TLN2: variants seen among roughly 807,000 people sequenced by gnomAD.
The protein encoded by TLN2 is talin 2.
A neutral mutation model predicts 294.7 loss-of-function variants in TLN2; 118 were observed. The ratio of observed to expected loss-of-function variants is 0.40; its 90% CI spans 0.34 to 0.47. The LOEUF is 0.47. Among genes scored for constraint, TLN2 ranks in the 20% least tolerant of loss-of-function variants. TLN2 has a pLI of 0.84. For missense variants in TLN2, 3,083 were observed against 3,282.2 expected (o/e 0.94, Z 1.48); for synonymous variants, 1,431 against 1,304.5 (o/e 1.10, Z -2.09).
intron 1 of TLN2, among the ~76,000 whole-genome samples, chr15:62,551,110 C>T (rs1288655807): frequency 6.6e-6 from 1 of 152,088 alleles, no homozygotes; most frequent in Non-Finnish European, 1.5e-5. Context: ...GGGTGGTTCA[C>T]AATAGGGTTT....
Position 62,684,421 on chromosome 15 carries a change from C to T in TLN2, c.958-2220C>T, listed in dbSNP as rs189768413. Reference sequence around the variant, plus strand: ...AAAGTAGATTAACTGACATTGTCTGCCCTGCACTGATCTCACCCCTTGTGG... The same window carrying T: ...AAAGTAGATTAACTGACATTGTCTGTCCTGCACTGATCTCACCCCTTGTGG... On this transcript the variant is annotated intron_variant, in intron 11 of 58. Transcript: ENST00000636159. Among the ~76,000 whole-genome samples the T allele has an allele frequency of 7.2e-5, 11 of 152,296 alleles. No homozygotes were observed. The East Asian group carries it at 1.4e-3, about 19-fold the overall frequency.
At chr15:62,829,578 T>C (rs535926254) in intron 54 of TLN2, 1 of 152,316 alleles carries the variant, frequency 6.6e-6, no homozygotes, top group East Asian at 1.9e-4. Flanking sequence ...ATATCAGGCA[T>C]GCAATGTGAA....
In TLN2 at chr15:62,717,623, C is replaced by T. The variant is rs1384431626; in HGVS notation, c.2811C>T (p.Ala937=). Residue 937 remains alanine, a synonymous_variant, in exon 24 of 59, where the codon GCC becomes GCT. Coordinates refer to ENST00000636159, the MANE Select transcript of TLN2 (RefSeq NM_015059.3). The stretch of plus-strand genomic sequence containing the variant: ...CGGCAGCCACACAGACCATCGCCGC[C>T]TCCCAGAATGCAGCTGTTTCCAACA... ...AAAAATQTIA[A]SQNAAVSNKN... 5 of 1,604,998 alleles carry T rather than the reference C, an allele frequency of 3.1e-6. No individual in the cohort carries two copies. The highest frequency in any genetic ancestry group is 1.7e-6 in the Non-Finnish European group (2 of 1,176,378).
chr15:62,652,113 G>A lies in TLN2; in HGVS notation c.343G>A (p.Val115Ile). The change falls in exon 6 of 59, where the codon GTC becomes ATC. Residue 115 changes from valine to isoleucine, a missense_variant. Val to Ile is a conservative substitution (Grantham distance 29, BLOSUM62 3). Transcript: ENST00000636159. ...DDSKTVGELL[V>I]TICSRIGITN... ...TTCCAAGACTGTGGGGGAGCTCCTG[G>A]TCACTATTTGTAGCAGAATAGGTGA... 2.5e-6 allele frequency: 4 copies of A among 1,602,028 alleles called. No homozygotes were observed. The highest frequency in any genetic ancestry group is 3.4e-6 in the Non-Finnish European group (4 of 1,173,658).
At chr15:62,770,895 G>C in intron 41 of TLN2, 69 bp from the exon 42 acceptor site, 1 of 1,537,138 alleles carries the variant, frequency 6.5e-7, no homozygotes, top group South Asian at 1.3e-5. Flanking sequence ...GCGCCTGACT[G>C]TGGAGCCCCT....
chr15:62,598,969 A>G (rs1338750467), intron 2 of TLN2, among the ~76,000 whole-genome samples: 1 of 152,086 alleles, frequency 6.6e-6, no homozygotes, highest in Admixed American at 6.5e-5. Context: ...GAGTCTTTCC[A>G]CAGACCTGTT....
chr15:62,801,465 G>A lies in TLN2; in HGVS notation c.6477+696G>A, dbSNP rs1283163385. Among the ~76,000 whole-genome samples, 4 of 152,204 alleles carry A rather than the reference G, an allele frequency of 2.6e-5. No individual in the cohort carries two copies. In the East Asian group the frequency reaches 7.7e-4, roughly 29 times the overall value. Reference sequence around the variant, plus strand: ...CAAACAGATTTCTTTTTGATAGGAGGTCTGATCACAGATTCAACTTTTTTG... The same window carrying A: ...CAAACAGATTTCTTTTTGATAGGAGATCTGATCACAGATTCAACTTTTTTG... On this transcript the variant is annotated intron_variant, in intron 50 of 58. Coordinates refer to ENST00000636159, the MANE Select transcript of TLN2 (RefSeq NM_015059.3).
At chr15:62,837,654 C>G (rs2069894784) in intron 57 of TLN2, among the ~76,000 whole-genome samples, 1 of 152,184 alleles carries the variant, frequency 6.6e-6, no homozygotes, top group Non-Finnish European at 1.5e-5. Flanking sequence ...GTGCAGATCC[C>G]AGCTGTATAA....
rs1205225694 is a variant in TLN2 at position 62,796,123 on chromosome 15, A to G, written c.5884-4A>G. On this transcript the variant is annotated splice_polypyrimidine_tract_variant and splice_region_variant and intron_variant, in intron 46 of 58. Transcript: ENST00000636159. ...CTCCCCTCACATTCCCTTTCTGCCT[A>G]CAGGTCTCCTTGGTGCTCTCGGCTC... 9 of 1,613,554 alleles carry G rather than the reference A, an allele frequency of 5.6e-6. No homozygotes were observed. Among genetic ancestry groups the G allele is most frequent in the South Asian group, 1.1e-5 (1 of 90,974 alleles).
chr15:62,457,159 T>G (rs2036529418), intron 1 of TLN2, among the ~76,000 whole-genome samples: 1 of 152,216 alleles, frequency 6.6e-6, no homozygotes, highest in Non-Finnish European at 1.5e-5. Context: ...GCTGGAAGTC[T>G]GAGATCAGGG....
At chr15:62,727,886 G>A in intron 28 of TLN2, among the ~76,000 whole-genome samples, 1 of 151,008 alleles carries the variant, frequency 6.6e-6, no homozygotes, top group Non-Finnish European at 1.5e-5. Context: ...GGCTCTAGGA[G>A]TGAGGGTGAA....
At chr15:62,600,048 T>G (rs1407884174) in intron 2 of TLN2, among the ~76,000 whole-genome samples, 4 of 152,140 alleles carry the variant, frequency 2.6e-5, no homozygotes, top group Non-Finnish European at 5.9e-5. Context: ...GGGATATTGC[T>G]AGAGCGGGTA....
At chr15:62,756,352 T>C (rs1396769056) in intron 37 of TLN2, among the ~76,000 whole-genome samples, 3 of 152,158 alleles carry the variant, frequency 2.0e-5, no homozygotes, top group East Asian at 1.9e-4. Flanking sequence ...TAGGCCTTAG[T>C]ACTTGTAGGT....
chr15:62,514,544 C>T (rs2040090377), intron 1 of TLN2, among the ~76,000 whole-genome samples: 1 of 152,130 alleles, frequency 6.6e-6, no homozygotes, highest in African/African-American at 2.4e-5. Flanking sequence ...ATAATGTGAC[C>T]TTCACATACT....
At chr15:62,392,091 C>T (rs1394711365) in intron 1 of TLN2, among the ~76,000 whole-genome samples, 3 of 152,260 alleles carry the variant, frequency 2.0e-5, no homozygotes, top group African/African-American at 7.2e-5. Flanking sequence ...GCCTCTTTGG[C>T]TTTAGCGGCG....
chr15:62,710,088 T>C (rs1297561081), intron 21 of TLN2, among the ~76,000 whole-genome samples: 2 of 152,244 alleles, frequency 1.3e-5, no homozygotes, highest in Non-Finnish European at 2.9e-5. Context: ...CAGCATAGTA[T>C]TCTATTTTTT....
chr15:62,697,632 C>G lies in TLN2; in HGVS notation c.1293-56C>G. On this transcript the variant is annotated intron_variant, in intron 14 of 58. Coordinates refer to ENST00000636159, the MANE Select transcript of TLN2 (RefSeq NM_015059.3). ...ATACGTGACATCTGTGGGGTCTCCT[C>G]ATTGCACTCCACATGGCTGGTGTTC... is the stretch of plus-strand genomic sequence containing the variant. 3.2e-6 allele frequency: 5 copies of G among 1,540,852 alleles called. No individual in the cohort carries two copies. The Admixed American group carries it at 5.9e-5, about 18-fold the overall frequency.
intron 44 of TLN2, among the ~76,000 whole-genome samples, chr15:62,781,604 T>C (rs1196877014): frequency 6.6e-6 from 1 of 152,150 alleles, no homozygotes; most frequent in African/African-American, 2.4e-5. Flanking sequence ...ACTTGAGGTG[T>C]TTTTAGTAGA....
At chr15:62,779,090 A>C (rs181413986) in intron 43 of TLN2, among the ~76,000 whole-genome samples, 2 of 152,354 alleles carry the variant, frequency 1.3e-5, no homozygotes, top group East Asian at 3.9e-4. Flanking sequence ...ACCTGAGTGT[A>C]GCCAGAGTTA....
Sources: allele counts gnomAD v4.1 joint callset (sites outside exome capture counted in the v4.1 genomes callset), GRCh38; gene constraint gnomAD v4.1.1; transcripts MANE v1.5; gene names NCBI Gene and HGNC (gene_info 2026-07-23, HGNC 2026-07-21).